KHDRBS2: variants seen among roughly 807,000 people sequenced by gnomAD.
KHDRBS2 encodes the protein KH domain-containing, RNA-binding, signal transduction-associated protein 2.
A neutral mutation model predicts 44.3 loss-of-function variants in KHDRBS2; 26 were observed. The observed-to-expected ratio is 0.59, with a 90% CI of 0.43 to 0.81. KHDRBS2 has a LOEUF of 0.81. KHDRBS2 is among the 40% of genes least tolerant of loss of function. The pLI, the probability that KHDRBS2 is intolerant of heterozygous loss-of-function variation, is 0.00. For missense variants in KHDRBS2, 476 were observed against 433.1 expected, an observed-to-expected ratio of 1.10 and a Z score of -0.88; for synonymous variants, 194 against 151.1, an observed-to-expected ratio of 1.28 and a Z score of -2.08.
chr6:61,902,200 G>T (rs1804181974), intron 4 of KHDRBS2, among the ~76,000 whole-genome samples: 1 of 152,058 alleles, frequency 6.6e-6, no homozygotes, highest in Admixed American at 6.5e-5. Context: ...CCACCCACCT[G>T]GGCCTCCCAA....
At chr6:61,823,843 CAAA>C (rs926428761) in intron 6 of KHDRBS2, among the ~76,000 whole-genome samples, 16 of 152,082 alleles carry the variant, frequency 1.1e-4, no homozygotes, top group Admixed American at 5.9e-4. Context: ...ACTGAGAAAT[CAAA>C]AACCAGTAAA....
chr6:61,633,260 C>T, the KHDRBS2 span, among the ~76,000 whole-genome samples: 7 of 151,960 alleles, frequency 4.6e-5, no homozygotes, highest in Non-Finnish European at 1.0e-4. Context: ...GAGAAAGATA[C>T]TCTCGAAATA....
At chr6:62,129,859 T>C (rs376817777) in intron 2 of KHDRBS2, among the ~76,000 whole-genome samples, 9 of 152,226 alleles carry the variant, frequency 5.9e-5, no homozygotes, top group East Asian at 5.8e-4. Context: ...TTTAAGAAAA[T>C]ACCATATAAT....
At chr6:61,775,041 C>T (rs953709269) in intron 6 of KHDRBS2, among the ~76,000 whole-genome samples, 1 of 151,980 alleles carries the variant, frequency 6.6e-6, no homozygotes, top group African/African-American at 2.4e-5. Flanking sequence ...AGACAAAAAC[C>T]ACATGATTAT....
chr6:62,162,818 AAGAG>A (rs1817920531), intron 2 of KHDRBS2, among the ~76,000 whole-genome samples: 1 of 152,046 alleles, frequency 6.6e-6, no homozygotes, highest in Admixed American at 6.6e-5. Context: ...GTGCAGGAGA[AAGAG>A]AGGAGTGAAG....
At chr6:61,768,279 A>G (rs572772260) in intron 6 of KHDRBS2, among the ~76,000 whole-genome samples, 11 of 152,084 alleles carry the variant, frequency 7.2e-5, no homozygotes, top group Non-Finnish European at 5.9e-5. Flanking sequence ...AGTGCTTAGG[A>G]TCTTTCTTTA....
At chr6:62,138,673 G>T (rs1562943814) in intron 2 of KHDRBS2, among the ~76,000 whole-genome samples, 1 of 152,188 alleles carries the variant, frequency 6.6e-6, no homozygotes, top group East Asian at 1.9e-4. Context: ...ATTAAACCTA[G>T]AGATGGTTCC....
chr6:61,582,259 G>T, the KHDRBS2 span, among the ~76,000 whole-genome samples: 4 of 151,548 alleles, frequency 2.6e-5, no homozygotes, highest in Non-Finnish European at 5.9e-5. Context: ...TAGTTATTTA[G>T]ACTGAACAAT....
chr6:61,817,695 G>A (rs569540877), intron 6 of KHDRBS2, among the ~76,000 whole-genome samples: 129 of 151,992 alleles, frequency 8.5e-4, no homozygotes, highest in African/African-American at 3.1e-3. Flanking sequence ...TTAAAGCTGT[G>A]GTTTTGTATA....
chr6:62,150,122 T>A (rs1814811189), intron 2 of KHDRBS2, among the ~76,000 whole-genome samples: 1 of 152,118 alleles, frequency 6.6e-6, no homozygotes, highest in Non-Finnish European at 1.5e-5. Context: ...TAGAGAGTCA[T>A]CCAGCCAACG....
intron 1 of KHDRBS2, among the ~76,000 whole-genome samples, chr6:62,179,392 TTAAC>T (rs145010671): frequency 4.5e-4 from 68 of 151,876 alleles, no homozygotes; most frequent in African/African-American, 1.6e-3. Context: ...ACAAGCCACT[TTAAC>T]TAACTGACTT....
intron 1 of KHDRBS2, among the ~76,000 whole-genome samples, chr6:62,189,570 T>C (rs1824174859): frequency 6.6e-6 from 1 of 152,120 alleles, no homozygotes; most frequent in African/African-American, 2.4e-5. Flanking sequence ...TGAAGAATTT[T>C]AGCACAGTTT....
chr6:61,796,577 CAAAT>C (rs1225115208), intron 6 of KHDRBS2, among the ~76,000 whole-genome samples: 8 of 151,688 alleles, frequency 5.3e-5, no homozygotes, highest in Admixed American at 1.3e-4. Flanking sequence ...TGATTTTATA[CAAAT>C]AAATAAAATA....
At chr6:61,638,825 G>T in the KHDRBS2 span, among the ~76,000 whole-genome samples, 2 of 152,200 alleles carry the variant, frequency 1.3e-5, no homozygotes, top group East Asian at 1.9e-4. Flanking sequence ...TTTGAGGTTT[G>T]CAGAGCTAAT....
chr6:61,851,295 G>GTA (rs1795377674), intron 6 of KHDRBS2, among the ~76,000 whole-genome samples: 1 of 151,720 alleles, frequency 6.6e-6, no homozygotes, highest in African/African-American at 2.4e-5. Flanking sequence ...GTGTGTGTGT[G>GTA]TATATATATG....
intron 1 of KHDRBS2, among the ~76,000 whole-genome samples, chr6:62,254,392 C>T (rs1837035155): frequency 6.6e-6 from 1 of 151,956 alleles, no homozygotes; most frequent in African/African-American, 2.4e-5. Context: ...TAATTTAAGA[C>T]ATTTAAGTTA....
chr6:62,006,217 C>T (rs1779180814), intron 3 of KHDRBS2, among the ~76,000 whole-genome samples: 2 of 151,934 alleles, frequency 1.3e-5, no homozygotes, highest in Non-Finnish European at 1.5e-5. Flanking sequence ...GCATGAACTA[C>T]AGAGACTGAC....
chr6:62,264,273 T>C (rs1430215621), intron 1 of KHDRBS2, among the ~76,000 whole-genome samples: 1 of 151,886 alleles, frequency 6.6e-6, no homozygotes. Context: ...TTAAAAATAA[T>C]AATTATCAGC....
At chr6:61,543,829 T>C in the KHDRBS2 span, among the ~76,000 whole-genome samples, 4 of 152,088 alleles carry the variant, frequency 2.6e-5, no homozygotes, top group African/African-American at 4.8e-5. Flanking sequence ...GGTCATTTTG[T>C]TAAGTGAGAT....
Sources: gnomAD v4.1 joint callset for allele counts (sites outside exome capture counted in the v4.1 genomes callset) on GRCh38, gnomAD v4.1.1 for gene constraint, MANE v1.5 for transcripts, NCBI Gene and HGNC (gene_info 2026-07-23, HGNC 2026-07-21) for gene names.